The following KIF16B variants were observed in gnomAD, a reference collection of about 807,000 sequenced individuals.
The protein encoded by KIF16B is kinesin family member 16B.
A neutral mutation model predicts 156.3 loss-of-function variants in KIF16B; 98 were observed. The observed-to-expected ratio is 0.63, with a 90% CI of 0.53 to 0.74. The LOEUF is 0.74. KIF16B is among the 30% of genes least tolerant of loss of function. KIF16B has a pLI of 0.00. For missense variants in KIF16B, 1,421 were observed against 1,606.5 expected, an observed-to-expected ratio of 0.88 and a Z score of 1.97; for synonymous variants, 564 against 583.7, an observed-to-expected ratio of 0.97 and a Z score of 0.49.
chr20:16,356,200 G>T (rs1464001553), intron 23 of KIF16B, 130 bp downstream of exon 23: 15 of 1,193,838 alleles, frequency 1.3e-5, no homozygotes, highest in Middle Eastern at 2.0e-4. Context: ...TTTAAAGAAG[G>T]GCAAGACCAA....
intron 17 of KIF16B, among the ~76,000 whole-genome samples, chr20:16,399,034 G>A (rs926449240): frequency 6.6e-6 from 1 of 152,214 alleles, no homozygotes; most frequent in Non-Finnish European, 1.5e-5. Flanking sequence ...AAGTAATAAA[G>A]AGCAGAAGAA....
intron 25 of KIF16B, among the ~76,000 whole-genome samples, chr20:16,299,586 G>A (rs1042975480): frequency 6.6e-6 from 1 of 152,128 alleles, no homozygotes; most frequent in Non-Finnish European, 1.5e-5. Context: ...GAACCAGAAA[G>A]GGTTGCAAAG....
At chr20:16,351,813 GA>G (rs1488751100) in intron 23 of KIF16B, among the ~76,000 whole-genome samples, 1 of 152,216 alleles carries the variant, frequency 6.6e-6, no homozygotes. Context: ...AAAGTGGGGA[GA>G]GGGGCGACAC....
intron 12 of KIF16B, among the ~76,000 whole-genome samples, chr20:16,478,265 A>C (rs1431512830): frequency 6.6e-6 from 1 of 152,186 alleles, no homozygotes; most frequent in African/African-American, 2.4e-5. Context: ...ACGTGATACA[A>C]CTAGATACCC....
intron 15 of KIF16B, among the ~76,000 whole-genome samples, chr20:16,420,591 T>C (rs1342506096): frequency 2.0e-5 from 3 of 152,144 alleles, no homozygotes; most frequent in African/African-American, 7.2e-5. Flanking sequence ...GTGGAGTTAA[T>C]ATGGCTAGGA....
intron 12 of KIF16B, among the ~76,000 whole-genome samples, chr20:16,448,675 G>A (rs2066998792): frequency 6.6e-6 from 1 of 152,092 alleles, no homozygotes; most frequent in Admixed American, 6.6e-5. Flanking sequence ...ACAACCACTG[G>A]CAAACAATTT....
At chr20:16,428,426 C>T (rs1468477507) in intron 14 of KIF16B, among the ~76,000 whole-genome samples, 1 of 152,128 alleles carries the variant, frequency 6.6e-6, no homozygotes, top group African/African-American at 2.4e-5. Flanking sequence ...GTAAGGACCT[C>T]ATCTGTGTAG....
chr20:16,377,147 G>T (rs1322009346), intron 19 of KIF16B, among the ~76,000 whole-genome samples: 5 of 152,088 alleles, frequency 3.3e-5, no homozygotes, highest in Non-Finnish European at 7.4e-5. Context: ...TAAATGCCAA[G>T]GTGGGGTCTC....
intron 25 of KIF16B, among the ~76,000 whole-genome samples, chr20:16,303,626 C>A (rs1411163873): frequency 1.3e-5 from 2 of 152,164 alleles, no homozygotes; most frequent in African/African-American, 4.8e-5. Flanking sequence ...GGACACTGAA[C>A]AAATATTTAC....
chr20:16,494,829 C>CA (rs2068401558), intron 11 of KIF16B, among the ~76,000 whole-genome samples: 3 of 151,744 alleles, frequency 2.0e-5, no homozygotes, highest in Admixed American at 2.0e-4. Context: ...TTATAAACCT[C>CA]ATTCTATCTT....
rs553731283 is a variant in KIF16B at position 16,562,229 on chromosome 20, A to G, written c.47+11000T>C. ...CCTATAAACTGTGTATCATTTAAAC[A>G]CAGTAAAGTGTTGTACCATAGTGCT... is the stretch of plus-strand genomic sequence containing the variant. On this transcript the variant is annotated intron_variant, in intron 1 of 25. Coordinates refer to ENST00000354981, the MANE Select transcript of KIF16B (RefSeq NM_024704.5). Among the ~76,000 whole-genome samples, 90 of 152,348 alleles carry G rather than the reference A, an allele frequency of 5.9e-4. 2 individuals are homozygous for G. In the South Asian group the frequency reaches 0.011, roughly 19 times the overall value.
At chr20:16,303,679 G>A (rs1438937134) in intron 25 of KIF16B, among the ~76,000 whole-genome samples, 9 of 152,164 alleles carry the variant, frequency 5.9e-5, no homozygotes, top group Non-Finnish European at 1.2e-4. Flanking sequence ...GGTGAATGAA[G>A]CATCTGGAAT....
At chr20:16,387,519 G>C (rs1053792968) in intron 17 of KIF16B, among the ~76,000 whole-genome samples, 17 of 152,148 alleles carry the variant, frequency 1.1e-4, no homozygotes. Context: ...AGGCTTACAG[G>C]AAAAGAAATC....
chr20:16,552,026 T>C (rs936656932), intron 1 of KIF16B, among the ~76,000 whole-genome samples: 4 of 152,220 alleles, frequency 2.6e-5, no homozygotes, highest in Admixed American at 2.6e-4. Context: ...CGTGATGACA[T>C]CAAATGAGCA....
chr20:16,343,721 A>G (rs2064181682), intron 23 of KIF16B, among the ~76,000 whole-genome samples: 1 of 152,214 alleles, frequency 6.6e-6, no homozygotes, highest in Non-Finnish European at 1.5e-5. Flanking sequence ...ATAAGGTTTA[A>G]TTAAAATCTC....
chr20:16,501,394 C>T (rs899614236), intron 10 of KIF16B, among the ~76,000 whole-genome samples: 8 of 145,080 alleles, frequency 5.5e-5, no homozygotes, highest in African/African-American at 1.6e-4. Context: ...CTTCTATACA[C>T]TGATGGTGGT....
At chr20:16,573,118 G>T in intron 1 of KIF16B, 111 bp downstream of exon 1, 1 of 1,097,782 alleles carries the variant, frequency 9.1e-7, no homozygotes, top group Non-Finnish European at 1.3e-6. Context: ...CGGTGGGCCA[G>T]GGACCAGCCG....
chr20:16,348,872 A>G (rs1043892036), intron 23 of KIF16B, among the ~76,000 whole-genome samples: 1 of 152,238 alleles, frequency 6.6e-6, no homozygotes, highest in African/African-American at 2.4e-5. Flanking sequence ...ATGATGGAAC[A>G]GATGAGAATG....
At chr20:16,312,304 A>G in intron 25 of KIF16B, 31 bp downstream of exon 25, 7 of 1,505,272 alleles carry the variant, frequency 4.7e-6, no homozygotes, top group Non-Finnish European at 6.5e-6. Context: ...TTTTCTACAT[A>G]CACAGAGGAA....
Sources: allele counts gnomAD v4.1 joint callset (sites outside exome capture counted in the v4.1 genomes callset), GRCh38; gene constraint gnomAD v4.1.1; transcripts MANE v1.5; gene names NCBI Gene and HGNC (gene_info 2026-07-23, HGNC 2026-07-21).